SND1: variants seen among roughly 807,000 people sequenced by gnomAD.
SND1 encodes staphylococcal nuclease domain-containing protein 1.
A neutral mutation model predicts 121.7 loss-of-function variants in SND1; 38 were observed. The ratio of observed to expected loss-of-function variants is 0.31; its 90% CI spans 0.24 to 0.41. The LOEUF (loss-of-function observed/expected upper bound fraction) is 0.41. Ranked by LOEUF, SND1 falls within the 10% of genes least tolerant of loss-of-function variation. SND1 has a pLI of 1.00. For missense variants in SND1, 868 were observed against 1,184.6 expected (o/e 0.73, Z 3.92); for synonymous variants, 401 against 447.4 (o/e 0.90, Z 1.31).
At chr7:128,030,409 G>T (rs201734210) in intron 16 of SND1, 4 of 1,613,784 alleles carry the variant, frequency 2.5e-6, no homozygotes, top group Middle Eastern at 1.6e-4. Context: ...TTGAGGTACC[G>T]GGTGTTCGAG....
At chr7:128,013,206 G>C (rs1250915602) in intron 16 of SND1, among the ~76,000 whole-genome samples, 1 of 152,172 alleles carries the variant, frequency 6.6e-6, no homozygotes, top group Non-Finnish European at 1.5e-5. Context: ...GGAGGAGGCA[G>C]GGGCTTCTCC....
chr7:127,703,334 C>G lies in SND1; in HGVS notation c.840+11C>G, dbSNP rs1476208550. On this transcript the variant is annotated intron_variant, in intron 7 of 23. Transcript: ENST00000354725. ...ACCATCCTTCATCCAGTGAGTGTGT[C>G]TGTGCAGACTGGGTGGTGATGGGCT... The G allele has an allele frequency of 1.2e-6, 2 of 1,613,308 alleles. No homozygotes were observed. The highest frequency in any genetic ancestry group is 1.7e-6 in the Non-Finnish European group (2 of 1,179,328).
At chr7:127,856,769 A>G (rs981803645) in intron 12 of SND1, among the ~76,000 whole-genome samples, 9 of 152,222 alleles carry the variant, frequency 5.9e-5, no homozygotes, top group Non-Finnish European at 1.2e-4. Context: ...ACTATATTAC[A>G]GTTCTCATAC....
At chr7:127,964,504 A>C (rs1801810873) in intron 15 of SND1, among the ~76,000 whole-genome samples, 1 of 151,226 alleles carries the variant, frequency 6.6e-6, no homozygotes, top group Non-Finnish European at 1.5e-5. Context: ...CCATTTATTA[A>C]ATAGGGAATC....
chr7:128,029,797 G>A lies in SND1; in HGVS notation c.1779+38741G>A, dbSNP rs1167363370. On this transcript the variant is annotated intron_variant, in intron 16 of 23. Coordinates refer to ENST00000354725, the MANE Select transcript of SND1 (RefSeq NM_014390.4). This position sits in a 1 kb window ranked among gnomAD's most constrained non-coding sequence, Gnocchi z 4.2. Reference sequence around the variant, plus strand: ...CTCAGCGGGGTAAAGAGGTCATGGGGCAAAGAAGAGAGGTTATTGTGGGCC... The same window carrying A: ...CTCAGCGGGGTAAAGAGGTCATGGGACAAAGAAGAGAGGTTATTGTGGGCC... 6.2e-7 allele frequency: 1 copy of A among 1,613,926 alleles called. No individual in the cohort carries two copies. Among genetic ancestry groups the A allele is most frequent in the Non-Finnish European group, 8.5e-7 (1 of 1,180,028 alleles).
chr7:127,917,451 A>G (rs888210781), intron 14 of SND1, among the ~76,000 whole-genome samples: 1 of 152,170 alleles, frequency 6.6e-6, no homozygotes, highest in African/African-American at 2.4e-5. Context: ...ACTAGGAACA[A>G]ATTTTTATTC....
chr7:127,713,544 A>G (rs533359128), intron 9 of SND1, among the ~76,000 whole-genome samples: 2 of 152,290 alleles, frequency 1.3e-5, no homozygotes, highest in East Asian at 3.9e-4. Flanking sequence ...ACAAATAGTG[A>G]TTCTCTCTTC....
At chr7:127,758,528 GT>G (rs958735718) in intron 10 of SND1, among the ~76,000 whole-genome samples, 2 of 151,724 alleles carry the variant, frequency 1.3e-5, no homozygotes, top group East Asian at 1.9e-4. Context: ...ATGACTAATG[GT>G]TTTTTTTGTT....
chr7:127,807,481 T>C lies in SND1; in HGVS notation c.1153-3T>C, dbSNP rs758523563. 6.2e-7 allele frequency: 1 copy of C among 1,610,932 alleles called. No individual in the cohort carries two copies. The highest frequency in any genetic ancestry group is 1.1e-5 in the South Asian group (1 of 90,976). On this transcript the variant is annotated splice_region_variant and splice_polypyrimidine_tract_variant and intron_variant, in intron 10 of 23. Transcript: ENST00000354725. ...CTGATGTCATGTTTTATTTTACTTTTAGGATAAGAACAAGAAACTGCGTCC... is the reference window on the plus strand; with the variant it reads ...CTGATGTCATGTTTTATTTTACTTTCAGGATAAGAACAAGAAACTGCGTCC...
At chr7:128,011,091 C>A (rs1005346291) in intron 16 of SND1, among the ~76,000 whole-genome samples, 1 of 151,682 alleles carries the variant, frequency 6.6e-6, no homozygotes, top group African/African-American at 2.4e-5. Context: ...GAAGTTTTGG[C>A]GCACACTGTC....
intron 12 of SND1, among the ~76,000 whole-genome samples, chr7:127,845,078 A>C (rs907989808): frequency 2.6e-5 from 4 of 152,230 alleles, no homozygotes; most frequent in Non-Finnish European, 4.4e-5. Flanking sequence ...TCCATTTAAC[A>C]ATCTTATATG....
rs1467210681 is a variant in SND1 at position 128,063,028 on chromosome 7, G to A, written c.1780-11474G>A. On this transcript the variant is annotated intron_variant, in intron 16 of 23. Transcript: ENST00000354725. ...TAATCCCTTGCTTGGAGGGCTTCAC[G>A]CTAGACAGTGGTCTGGGCTCCGGGG... Among the ~76,000 whole-genome samples, 7 of 152,272 alleles carry A rather than the reference G, an allele frequency of 4.6e-5. No individual in the cohort carries two copies. In the South Asian group the frequency reaches 1.2e-3, roughly 27 times the overall value.
rs527831145 is a variant in SND1 at position 128,015,104 on chromosome 7, G to A, written c.1779+24048G>A. ...TCAGCAGCTGCACCTCCTCCCTCGCGCCTTCTGTCTGAGCCAACCTTGATT... is the reference window on the plus strand; with the variant it reads ...TCAGCAGCTGCACCTCCTCCCTCGCACCTTCTGTCTGAGCCAACCTTGATT... On this transcript the variant is annotated intron_variant, in intron 16 of 23. Transcript: ENST00000354725. This position sits in a 1 kb window ranked among gnomAD's most constrained non-coding sequence, Gnocchi z 4.5. 5.3e-5 allele frequency among the ~76,000 whole-genome samples: 8 copies of A among 152,258 alleles called. No individual in the cohort carries two copies. Among genetic ancestry groups the A allele is most frequent in the African/African-American group, 1.9e-4 (8 of 41,542 alleles).
intron 11 of SND1, among the ~76,000 whole-genome samples, chr7:127,823,318 CCT>C (rs1470074168): frequency 6.6e-6 from 1 of 152,152 alleles, no homozygotes; most frequent in Admixed American, 6.6e-5. Context: ...GCTTGGTTCC[CCT>C]GACTAGGATG....
At chr7:127,712,697 C>T (rs1346849485) in intron 9 of SND1, among the ~76,000 whole-genome samples, 1 of 152,188 alleles carries the variant, frequency 6.6e-6, no homozygotes, top group Non-Finnish European at 1.5e-5. Flanking sequence ...ATCTGCTTTC[C>T]AGCTTCCAGG....
chr7:127,699,210 G>A (rs539008299), intron 4 of SND1, among the ~76,000 whole-genome samples: 1 of 152,182 alleles, frequency 6.6e-6, no homozygotes. Flanking sequence ...ACAAGTCTTA[G>A]ACTAGATATT....
chr7:127,988,474 T>A (rs1220837102), intron 15 of SND1, among the ~76,000 whole-genome samples: 1 of 152,142 alleles, frequency 6.6e-6, no homozygotes, highest in East Asian at 1.9e-4. Context: ...TGGGATTTGG[T>A]TTTCACAGGC....
intron 10 of SND1, among the ~76,000 whole-genome samples, chr7:127,782,679 A>G (rs1797744146): frequency 6.6e-6 from 1 of 152,172 alleles, no homozygotes; most frequent in Non-Finnish European, 1.5e-5. Context: ...CTTACTTGGA[A>G]CACTTGGCTC....
intron 15 of SND1, among the ~76,000 whole-genome samples, chr7:127,952,941 T>C (rs1268893649): frequency 2.0e-5 from 3 of 152,066 alleles, no homozygotes; most frequent in South Asian, 2.1e-4. Flanking sequence ...GGCAGGAGGA[T>C]TGCTTGATCC....
Sources: allele counts gnomAD v4.1 joint callset (sites outside exome capture counted in the v4.1 genomes callset), GRCh38; gene constraint gnomAD v4.1.1; non-coding constraint Gnocchi (gnomAD v3.1); transcripts MANE v1.5; gene names NCBI Gene and HGNC (gene_info 2026-07-23, HGNC 2026-07-21).